RAB4A: variants seen among roughly 807,000 people sequenced by gnomAD.
The protein encoded by RAB4A is ras-related protein Rab-4A.
Under a neutral mutation model 34.5 loss-of-function variants are expected in RAB4A, and 20 were observed. The observed-to-expected ratio is 0.58, with a 90% CI of 0.41 to 0.84. The LOEUF is 0.84. Among genes scored for constraint, RAB4A ranks in the 40% least tolerant of loss-of-function variants. The pLI, the probability that RAB4A is intolerant of heterozygous loss-of-function variation, is 0.00. For missense variants in RAB4A, 228 were observed against 274.5 expected (o/e 0.83, Z 1.20); for synonymous variants, 102 against 100.0 (o/e 1.02, Z -0.12).
At chr1:229,284,256 C>T (rs1301907547) in intron 1 of RAB4A, among the ~76,000 whole-genome samples, 10 of 151,792 alleles carry the variant, frequency 6.6e-5, no homozygotes, top group African/African-American at 1.2e-4. Flanking sequence ...CCCACCACCA[C>T]GCCTGGCTCA....
At chr1:229,282,932 A>C (rs1656812228) in intron 1 of RAB4A, among the ~76,000 whole-genome samples, 1 of 152,184 alleles carries the variant, frequency 6.6e-6, no homozygotes, top group African/African-American at 2.4e-5. Flanking sequence ...TGTCATCTTG[A>C]CATAGGAATA....
chr1:229,295,252 A>T (rs1195252118), intron 3 of RAB4A, among the ~76,000 whole-genome samples: 1 of 152,054 alleles, frequency 6.6e-6, no homozygotes, highest in Non-Finnish European at 1.5e-5. Context: ...TAATGGGAAA[A>T]ATCTCACAAA....
chr1:229,281,844 A>C (rs574688188), intron 1 of RAB4A, among the ~76,000 whole-genome samples: 5 of 122,890 alleles, frequency 4.1e-5, no homozygotes, highest in African/African-American at 1.2e-4. Flanking sequence ...ATATATATAT[A>C]TATCATAGTT....
chr1:229,271,519 C>A, intron 1 of RAB4A, 149 bp downstream of exon 1: 1 of 664,528 alleles, frequency 1.5e-6, no homozygotes, highest in Non-Finnish European at 2.0e-6. Flanking sequence ...GGGCTTGGGA[C>A]CGGGATGGGG....
chr1:229,285,845 T>C (rs1351253332), intron 1 of RAB4A, among the ~76,000 whole-genome samples: 1 of 152,260 alleles, frequency 6.6e-6, no homozygotes, highest in African/African-American at 2.4e-5. Context: ...AAATCCTTTA[T>C]TTCCATTTTA....
At chr1:229,295,312 C>T (rs1172272343) in intron 3 of RAB4A, among the ~76,000 whole-genome samples, 1 of 152,110 alleles carries the variant, frequency 6.6e-6, no homozygotes, top group Non-Finnish European at 1.5e-5. Flanking sequence ...CAAAAGACGC[C>T]TTCTTGAATG....
chr1:229,289,909 A>T (rs887667948), intron 3 of RAB4A, among the ~76,000 whole-genome samples: 1 of 152,236 alleles, frequency 6.6e-6, no homozygotes, highest in Non-Finnish European at 1.5e-5. Flanking sequence ...CATTGATTAA[A>T]CATGGTGGAT....
chr1:229,290,208 TAC>T (rs765412231), intron 3 of RAB4A, among the ~76,000 whole-genome samples: 2 of 152,190 alleles, frequency 1.3e-5, no homozygotes, highest in Non-Finnish European at 2.9e-5. Flanking sequence ...GGTTCATGTT[TAC>T]ACACGAAATA....
Position 229,305,022 on chromosome 1 carries a change from A to G in RAB4A, c.*1229A>G. The G allele has an allele frequency of 8.1e-7, 1 of 1,238,978 alleles. No homozygotes were observed. The highest frequency in any genetic ancestry group is 1.1e-6 in the Non-Finnish European group (1 of 941,694). The allele number at this position is 1,238,978 out of a possible 1,614,324, so 76.7% of individuals were successfully genotyped here. ...TTCTTCACCTTATATATGTTCTTCCACTGTGACTTTTTAGTTGAAGACTAG... is the reference window on the plus strand; with the variant it reads ...TTCTTCACCTTATATATGTTCTTCCGCTGTGACTTTTTAGTTGAAGACTAG... On this transcript the variant is annotated 3_prime_UTR_variant, in exon 8 of 8. Coordinates refer to ENST00000366690, the MANE Select transcript of RAB4A (RefSeq NM_004578.4).
intron 3 of RAB4A, among the ~76,000 whole-genome samples, chr1:229,289,639 A>T (rs911775631): frequency 3.9e-5 from 6 of 152,268 alleles, no homozygotes; most frequent in African/African-American, 1.4e-4. Flanking sequence ...AACATGGTGT[A>T]ACCCCTTCTC....
intron 6 of RAB4A, among the ~76,000 whole-genome samples, chr1:229,302,307 A>ATTTTTTT (rs1657430149): frequency 2.9e-5 from 1 of 34,998 alleles, no homozygotes; most frequent in African/African-American, 8.2e-5. Context: ...ATATATATAT[A>ATTTTTTT]TATTTTTTTT....
chr1:229,292,973 G>A (rs1243415205), intron 3 of RAB4A, among the ~76,000 whole-genome samples: 1 of 152,142 alleles, frequency 6.6e-6, no homozygotes, highest in Non-Finnish European at 1.5e-5. Flanking sequence ...GAGTGCCCAG[G>A]CTTCCTGCAC....
chr1:229,298,258 A>G (rs1558240896), intron 5 of RAB4A, among the ~76,000 whole-genome samples: 1 of 152,242 alleles, frequency 6.6e-6, no homozygotes, highest in Non-Finnish European at 1.5e-5. Flanking sequence ...ATTCCAAATT[A>G]TATTGTAACT....
At chr1:229,292,122 A>G (rs989429536) in intron 3 of RAB4A, among the ~76,000 whole-genome samples, 1 of 151,468 alleles carries the variant, frequency 6.6e-6, no homozygotes, top group African/African-American at 2.4e-5. Flanking sequence ...ATGCTAGATG[A>G]CGAGTTAGCG....
At chr1:229,302,188 G>A (rs964044698) in intron 6 of RAB4A, among the ~76,000 whole-genome samples, 3 of 143,892 alleles carry the variant, frequency 2.1e-5, no homozygotes, top group African/African-American at 7.7e-5. Context: ...TAATTCATGA[G>A]CCAGTCTACT....
chr1:229,278,762 G>A (rs1388821516), intron 1 of RAB4A, among the ~76,000 whole-genome samples: 2 of 152,144 alleles, frequency 1.3e-5, no homozygotes, highest in Admixed American at 6.6e-5. Flanking sequence ...TATAAGAGCT[G>A]TCAGTACTTT....
chr1:229,295,806 G>C, intron 3 of RAB4A, 42 bp from the exon 4 acceptor site: 1 of 1,601,936 alleles, frequency 6.2e-7, no homozygotes, highest in Non-Finnish European at 8.6e-7. Flanking sequence ...TACAGTAAAG[G>C]GTCTCAATTG....
intron 2 of RAB4A, 66 bp from the exon 3 acceptor site, chr1:229,288,663 T>C: frequency 1.2e-6 from 1 of 819,586 alleles, no homozygotes; most frequent in Non-Finnish European, 2.0e-6. Context: ...TAGTGTCACT[T>C]GTTTAAATCT....
chr1:229,305,247 A>T lies in RAB4A; in HGVS notation c.*1454A>T. ...GTATCTGAAGCAAATTCTCAGACTGAACTACTTCTTAGACCTCACTGTAAG... is the reference window on the plus strand; with the variant it reads ...GTATCTGAAGCAAATTCTCAGACTGTACTACTTCTTAGACCTCACTGTAAG... On this transcript the variant is annotated 3_prime_UTR_variant, in exon 8 of 8. Transcript: ENST00000366690. 6.2e-7 allele frequency: 1 copy of T among 1,608,372 alleles called. No homozygotes were observed. Among genetic ancestry groups the T allele is most frequent in the Non-Finnish European group, 8.5e-7 (1 of 1,177,920 alleles).
Sources: allele counts gnomAD v4.1 joint callset (sites outside exome capture counted in the v4.1 genomes callset), GRCh38; gene constraint gnomAD v4.1.1; transcripts MANE v1.5; gene names NCBI Gene and HGNC (gene_info 2026-07-23, HGNC 2026-07-21).